Variants in ABHD17C observed in about 807,000 individuals in gnomAD.
ABHD17C encodes the protein abhydrolase domain containing 17C, depalmitoylase, also known as alpha/beta hydrolase domain-containing protein 17C.
A neutral mutation model predicts 27.9 loss-of-function variants in ABHD17C; 11 were observed. The observed-to-expected ratio is 0.39, with a 90% CI of 0.25 to 0.65. ABHD17C has a LOEUF of 0.65. Ranked by LOEUF, ABHD17C falls within the 30% of genes least tolerant of loss-of-function variation. The pLI, the probability that ABHD17C is intolerant of heterozygous loss-of-function variation, is 0.45. For synonymous variants in ABHD17C, 233 were observed against 209.1 expected (o/e 1.11, Z -0.98); for missense variants, 280 against 470.2 (o/e 0.60, Z 3.74).
intron 1 of ABHD17C, among the ~76,000 whole-genome samples, chr15:80,716,488 G>A (rs1330841081): frequency 1.3e-5 from 2 of 152,266 alleles, no homozygotes; most frequent in East Asian, 3.9e-4. Context: ...ACCCTAAAAT[G>A]AGGGGGCCCT....
In ABHD17C at chr15:80,754,558, A is replaced by G. The variant is rs1042307281; in HGVS notation, c.*188A>G. The stretch of plus-strand genomic sequence containing the variant: ...AGAGGTGGTTCTGCTAATTCACACA[A>G]CACGTTAAACTGAACAGTCGTGATT... On this transcript the variant is annotated 3_prime_UTR_variant, in exon 3 of 3. Transcript: ENST00000258884. The G allele has an allele frequency of 1.2e-5, 7 of 581,642 alleles. No homozygotes were observed. Among genetic ancestry groups the G allele is most frequent in the South Asian group, 2.1e-5 (1 of 46,514 alleles). 36.0% of individuals were successfully genotyped at this position (581,642 alleles called of 1,614,324 possible).
chr15:80,743,107 CTG>C (rs1387384054), intron 1 of ABHD17C, among the ~76,000 whole-genome samples: 2 of 152,068 alleles, frequency 1.3e-5, no homozygotes, highest in African/African-American at 4.8e-5. Flanking sequence ...TTGGATATAT[CTG>C]TGGCATTGAG....
intron 1 of ABHD17C, among the ~76,000 whole-genome samples, chr15:80,739,024 G>T (rs1012301185): frequency 6.6e-6 from 1 of 152,214 alleles, no homozygotes; most frequent in Non-Finnish European, 1.5e-5. Flanking sequence ...AACCTGTTGT[G>T]TGGGAGAAGA....
At chr15:80,700,423 G>A (rs1013605532) in intron 1 of ABHD17C, among the ~76,000 whole-genome samples, 6 of 152,118 alleles carry the variant, frequency 3.9e-5, no homozygotes, top group African/African-American at 1.4e-4. Context: ...TCTTTTTGAT[G>A]CTGGTGACAA....
In ABHD17C at chr15:80,695,646, C is replaced by T. The variant is rs1319312907; in HGVS notation, c.217C>T (p.Pro73Ser). 24 of 1,354,806 alleles carry T rather than the reference C, an allele frequency of 1.8e-5. No homozygotes were observed. In the South Asian group the frequency reaches 3.9e-4, roughly 22 times the overall value. 83.9% of individuals were successfully genotyped at this position (1,354,806 alleles called of 1,614,324 possible). A position where few individuals can be genotyped will look rare whatever the true frequency, so the allele number is the denominator to read the frequency against. The change falls in exon 1 of 3, where the codon CCG becomes TCG. Residue 73 changes from proline to serine, a missense_variant. Pro to Ser is a moderately conservative substitution (Grantham distance 74). This residue lies in a region of ABHD17C where 206 missense variants were observed against 394.7 expected (regional missense o/e 0.52). Transcript: ENST00000258884. The surrounding 1 kb of genome is among the most constrained non-coding windows in gnomAD (Gnocchi z 4.3). ...TAAAAAAQPAPQQPEEGAGAG... is the reference protein window; with the variant it reads ...TAAAAAAQPASQQPEEGAGAG... Reference sequence around the variant, plus strand: ...CGCCGCCGCCGCGGCCCAGCCGGCACCGCAGCAGCCCGAGGAGGGCGCGGG... The same window carrying T: ...CGCCGCCGCCGCGGCCCAGCCGGCATCGCAGCAGCCCGAGGAGGGCGCGGG...
At chr15:80,739,199 G>T (rs1895172972) in intron 1 of ABHD17C, among the ~76,000 whole-genome samples, 1 of 152,156 alleles carries the variant, frequency 6.6e-6, no homozygotes, top group African/African-American at 2.4e-5. Flanking sequence ...AAAATACTTT[G>T]TTCTTCACCT....
chr15:80,700,935 A>G (rs1894562927), intron 1 of ABHD17C, among the ~76,000 whole-genome samples: 1 of 129,660 alleles, frequency 7.7e-6, no homozygotes, highest in Non-Finnish European at 1.9e-5. Context: ...CCAAACTGTT[A>G]AACACACATT....
At chr15:80,732,577 G>C (rs189804280) in intron 1 of ABHD17C, among the ~76,000 whole-genome samples, 8 of 152,210 alleles carry the variant, frequency 5.3e-5, no homozygotes, top group Admixed American at 3.3e-4. Context: ...AGGACGGGGT[G>C]GGGGGATAGA....
At chr15:80,729,186 C>T (rs1029584196) in intron 1 of ABHD17C, among the ~76,000 whole-genome samples, 1 of 152,174 alleles carries the variant, frequency 6.6e-6, no homozygotes, top group Non-Finnish European at 1.5e-5. Context: ...TTCTCTATTT[C>T]TGGTTCCTGG....
intron 1 of ABHD17C, among the ~76,000 whole-genome samples, chr15:80,736,295 A>C (rs921960404): frequency 6.6e-6 from 1 of 152,238 alleles, no homozygotes; most frequent in African/African-American, 2.4e-5. Context: ...AGTTCCTCAA[A>C]ACAAAGTTGT....
At chr15:80,699,194 AT>A (rs1279795574) in intron 1 of ABHD17C, among the ~76,000 whole-genome samples, 2 of 152,168 alleles carry the variant, frequency 1.3e-5, no homozygotes, top group Non-Finnish European at 2.9e-5. Context: ...TCTCCACTAA[AT>A]TGGAAGATCT....
At chr15:80,712,170 A>C (rs1894736859) in intron 1 of ABHD17C, among the ~76,000 whole-genome samples, 3 of 152,182 alleles carry the variant, frequency 2.0e-5, no homozygotes, top group Admixed American at 2.0e-4. Context: ...TTGGAATGTG[A>C]TCTCCTTGAG....
chr15:80,696,078 C>A, intron 1 of ABHD17C, 59 bp downstream of exon 1: 1 of 1,469,538 alleles, frequency 6.8e-7, no homozygotes, highest in African/African-American at 1.4e-5. Context: ...GGGTGGGGGT[C>A]TCTTGGGGCC....
chr15:80,747,314 G>A (rs1157475341), intron 1 of ABHD17C, among the ~76,000 whole-genome samples: 1 of 152,086 alleles, frequency 6.6e-6, no homozygotes, highest in East Asian at 1.9e-4. Context: ...GAGGGAGGAG[G>A]AGACCCCTGA....
chr15:80,735,142 C>T (rs1021477801), intron 1 of ABHD17C, among the ~76,000 whole-genome samples: 1 of 152,138 alleles, frequency 6.6e-6, no homozygotes, highest in African/African-American at 2.4e-5. Context: ...AGGGACTGGT[C>T]TTTCTTAACA....
intron 1 of ABHD17C, among the ~76,000 whole-genome samples, chr15:80,711,931 G>C (rs2141496191): frequency 6.6e-6 from 1 of 152,300 alleles, no homozygotes; most frequent in South Asian, 2.1e-4. Context: ...ACTGCTGCCT[G>C]TATATTTATG....
chr15:80,716,746 C>G (rs1457476405), intron 1 of ABHD17C, among the ~76,000 whole-genome samples: 1 of 152,180 alleles, frequency 6.6e-6, no homozygotes, highest in Non-Finnish European at 1.5e-5. Context: ...TCAATAAATC[C>G]TGGGTGAAGT....
chr15:80,719,808 G>A (rs1470678164), intron 1 of ABHD17C, among the ~76,000 whole-genome samples: 1 of 151,900 alleles, frequency 6.6e-6, no homozygotes, highest in Admixed American at 6.6e-5. Context: ...TTTTCTTTTT[G>A]TTTTTTGGAA....
At chr15:80,743,316 A>G (rs1895234864) in intron 1 of ABHD17C, among the ~76,000 whole-genome samples, 1 of 152,018 alleles carries the variant, frequency 6.6e-6, no homozygotes, top group South Asian at 2.1e-4. Context: ...AGTGCCCCCA[A>G]GGCCTCTAGA....
Sources: allele counts gnomAD v4.1 joint callset (sites outside exome capture counted in the v4.1 genomes callset), GRCh38; gene constraint gnomAD v4.1.1; regional missense constraint gnomAD v4.1.1; non-coding constraint Gnocchi (gnomAD v3.1); transcripts MANE v1.5; gene names NCBI Gene and HGNC (gene_info 2026-07-23, HGNC 2026-07-21).